Variants in ZNF616 observed in about 807,000 individuals in gnomAD.
The protein encoded by ZNF616 is zinc finger protein 616.
ZNF616 carries 5 observed loss-of-function variants against 7.6 expected under a neutral mutation model. That is an observed-to-expected ratio of 0.66 (90% CI 0.34 to 1.38). The LOEUF (loss-of-function observed/expected upper bound fraction) is 1.38, where lower values mean the gene tolerates loss of function less well. Ranked by LOEUF, ZNF616 falls within the 40% of genes most tolerant of loss-of-function variation. ZNF616 has a pLI of 0.04. For missense variants in ZNF616, 913 were observed against 948.3 expected (o/e 0.96, Z 0.49); for synonymous variants, 319 against 317.2 (o/e 1.01, Z -0.06).
Position 52,116,131 on chromosome 19 carries a change from C to T in ZNF616, c.1033G>A (p.Val345Ile), listed in dbSNP as rs1430387450. Residue 345 changes from valine to isoleucine, a missense_variant, in exon 4 of 4, where the codon GTA becomes ATA. By Grantham distance (29) the Val-to-Ile change is conservative. Transcript: ENST00000600228. ...TATGGTTTCTTTCCTGCATGGATTA[C>T]CTGATGTACAGTGAGGTTTGAGCTC... ...KRSSNLTVHQ[V>I]IHAGKKPYKC... is the part of the protein sequence containing the mutation. 1 of 1,614,088 alleles carries T rather than the reference C, an allele frequency of 6.2e-7. No individual in the cohort carries two copies. Among genetic ancestry groups the T allele is most frequent in the Non-Finnish European group, 8.5e-7 (1 of 1,180,020 alleles).
chr19:52,115,320 T>G lies in ZNF616; in HGVS notation c.1844A>C (p.Asn615Thr). 1 of 1,613,442 alleles carries G rather than the reference T, an allele frequency of 6.2e-7. No homozygotes were observed. The highest frequency in any genetic ancestry group is 1.1e-5 in the South Asian group (1 of 91,054). The change falls in exon 4 of 4, where the codon AAT (asparagine) becomes ACT (threonine). Residue 615 changes from asparagine to threonine, a missense_variant. Coordinates refer to ENST00000600228, the MANE Select transcript of ZNF616 (RefSeq NM_178523.5). Reference protein sequence around the residue: ...YKCHECGKAFNQGSTLNRHQR... With the variant: ...YKCHECGKAFTQGSTLNRHQR... ...ATGTCTATTGAGTGTGGAGCCCTGA[T>G]TAAAGGCTTTGCCACATTCATGACA...
At chr19:52,138,846 C>T (rs2089035034) in intron 1 of ZNF616, 1 of 152,558 alleles carries the variant, frequency 6.6e-6, no homozygotes, top group South Asian at 2.1e-4. Context: ...GTTACCCACT[C>T]CCCTCTCCTT....
intron 1 of ZNF616, among the ~76,000 whole-genome samples, chr19:52,137,053 GTATATA>G (rs35226169): frequency 0.037 from 5,335 of 143,696 alleles, 319 homozygotes; most frequent in African/African-American, 0.13. Flanking sequence ...TTATGTATGT[GTATATA>G]TATATATATA....
intron 1 of ZNF616, among the ~76,000 whole-genome samples, chr19:52,131,140 C>T (rs1007402186): frequency 6.6e-6 from 1 of 151,928 alleles, no homozygotes; most frequent in Non-Finnish European, 1.5e-5. Context: ...TGGTGGCACA[C>T]CCCTTAAATC....
At chr19:52,134,316 T>A (rs1291390566) in intron 1 of ZNF616, among the ~76,000 whole-genome samples, 1 of 152,228 alleles carries the variant, frequency 6.6e-6, no homozygotes, top group East Asian at 1.9e-4. Flanking sequence ...AACCCAATCA[T>A]CACATTTATT....
intron 3 of ZNF616, among the ~76,000 whole-genome samples, chr19:52,120,298 T>C (rs2088855762): frequency 6.6e-6 from 1 of 152,150 alleles, no homozygotes; most frequent in African/African-American, 2.4e-5. Context: ...GTAATTGCAA[T>C]GGTAACCACA....
At position 52,115,559 on chromosome 19, in the gene ZNF616, A is replaced by G. The variant is rs899108820; in HGVS notation, c.1605T>C (p.Ala535=). The change falls in exon 4 of 4, where the codon GCT becomes GCC. Residue 535 remains alanine, a synonymous_variant. Coordinates refer to ENST00000600228, the MANE Select transcript of ZNF616 (RefSeq NM_178523.5). The stretch of plus-strand genomic sequence containing the variant: ...TATGAATTCTCCGATGCCTTGCAAA[A>G]GCTGAACGGTCACTGAAGACCTTGC... ...ECGKVFSDRS[A]FARHRRIHTG... The G allele has an allele frequency of 6.2e-7, 1 of 1,613,746 alleles. No individual in the cohort carries two copies. Among genetic ancestry groups the G allele is most frequent in the Non-Finnish European group, 8.5e-7 (1 of 1,179,948 alleles).
chr19:52,117,995 T>TAAAGTGGC (rs1310348856), intron 3 of ZNF616, among the ~76,000 whole-genome samples: 5 of 152,122 alleles, frequency 3.3e-5, no homozygotes, highest in African/African-American at 1.2e-4. Context: ...TAGGCTGGAG[T>TAAAGTGGC]AAAGTGGCAT....
chr19:52,129,302 C>T (rs1372983556), intron 2 of ZNF616, among the ~76,000 whole-genome samples: 1 of 151,914 alleles, frequency 6.6e-6, no homozygotes, highest in Non-Finnish European at 1.5e-5. Flanking sequence ...AAAAACAAAA[C>T]AAAATTATTT....
At chr19:52,121,462 A>G (rs1184351785) in intron 3 of ZNF616, among the ~76,000 whole-genome samples, 1 of 152,234 alleles carries the variant, frequency 6.6e-6, no homozygotes, top group Non-Finnish European at 1.5e-5. Flanking sequence ...ATGATAAAAT[A>G]TCTCAAAACA....
intron 1 of ZNF616, among the ~76,000 whole-genome samples, chr19:52,133,866 C>G (rs1207141666): frequency 1.3e-5 from 2 of 152,088 alleles, no homozygotes; most frequent in Non-Finnish European, 2.9e-5. Flanking sequence ...CTGATCCTCT[C>G]CCTCCTCCCA....
At position 52,123,994 on chromosome 19, in the gene ZNF616, C is replaced by A. The variant is rs1421307028; in HGVS notation, c.68G>T (p.Cys23Phe). The change falls in exon 3 of 4, where the codon TGC becomes TTC. Residue 23 changes from cysteine to phenylalanine, a missense_variant. Transcript: ENST00000600228. ...AIEFSQEEWK[C>F]LEPVQKALYK... Reference sequence around the variant, plus strand: ...CAAAGCTTTCTGCACAGGCTCCAGGCATTTCCACTCCTCCTGAGAGAATTC... The same window carrying A: ...CAAAGCTTTCTGCACAGGCTCCAGGAATTTCCACTCCTCCTGAGAGAATTC... The A allele has an allele frequency of 1.9e-6, 3 of 1,613,838 alleles. No homozygotes were observed. The African/African-American group carries it at 4.0e-5, about 22-fold the overall frequency.
Position 52,115,293 on chromosome 19 carries a change from T to C in ZNF616, c.1871A>G (p.Gln624Arg), listed in dbSNP as rs1473879657. ...FNQGSTLNRHQRIHTGEKPYK... is the reference protein window; with the variant it reads ...FNQGSTLNRHRRIHTGEKPYK... ...AGGTTTCTCTCCGGTATGAATTCTC[T>C]GATGTCTATTGAGTGTGGAGCCCTG... The change falls in exon 4 of 4, where the codon CAG (glutamine) becomes CGG (arginine). Residue 624 changes from glutamine (Q) to arginine (R), a missense_variant. Gln to Arg is a conservative substitution (Grantham distance 43). Transcript: ENST00000600228. 4 of 1,614,092 alleles carry C rather than the reference T, an allele frequency of 2.5e-6. No homozygotes were observed. The highest frequency in any genetic ancestry group is 3.4e-6 in the Non-Finnish European group (4 of 1,180,008).
At chr19:52,132,156 A>G (rs2088965942) in intron 1 of ZNF616, among the ~76,000 whole-genome samples, 1 of 152,164 alleles carries the variant, frequency 6.6e-6, no homozygotes, top group Non-Finnish European at 1.5e-5. Flanking sequence ...CCTTCTATAT[A>G]ATGTCATATC....
chr19:52,115,236 C>T lies in ZNF616; in HGVS notation c.1928G>A (p.Ser643Asn), dbSNP rs35304389. ...ATGAAGTCTAAGATGGACACGCTGA[C>T]TAAAGGAATTCCCACACTGATTGCA... ...YKCNQCGNSF[S>N]QRVHLRLHQT... The change falls in exon 4 of 4, where the codon AGT becomes AAT. Residue 643 changes from serine to asparagine, a missense_variant. Ser to Asn is a conservative substitution (Grantham distance 46). Coordinates refer to ENST00000600228, the MANE Select transcript of ZNF616 (RefSeq NM_178523.5). The T allele has an allele frequency of 5.0e-6, 8 of 1,614,034 alleles. No homozygotes were observed. Among genetic ancestry groups the T allele is most frequent in the Non-Finnish European group, 6.8e-6 (8 of 1,180,024 alleles).
intron 1 of ZNF616, among the ~76,000 whole-genome samples, chr19:52,132,305 C>G (rs967374733): frequency 2.6e-5 from 4 of 152,084 alleles, no homozygotes; most frequent in African/African-American, 7.2e-5. Context: ...AAGGTGGAGA[C>G]GTCTCTTAGA....
chr19:52,117,125 C>G (rs2122143209), intron 3 of ZNF616, 101 bp from the exon 4 acceptor site: 2 of 1,034,502 alleles, frequency 1.9e-6, no homozygotes, highest in Non-Finnish European at 2.7e-6. Context: ...AATCTTTATA[C>G]TAGACAGGTG....
chr19:52,134,106 C>T (rs564715533), intron 1 of ZNF616, among the ~76,000 whole-genome samples: 31 of 152,264 alleles, frequency 2.0e-4, no homozygotes, highest in African/African-American at 7.5e-4. Context: ...CCCGCACTAC[C>T]AGACCAAGCC....
In ZNF616 at chr19:52,125,060, T is replaced by G. The variant is rs142009116; in HGVS notation, c.13-1011A>C. Reference sequence around the variant, plus strand: ...CCTCATAATACTTGGAGATTGGGCATTGGAGATTAAGTTTCAAATGAATTG... The same window carrying G: ...CCTCATAATACTTGGAGATTGGGCAGTGGAGATTAAGTTTCAAATGAATTG... On this transcript the variant is annotated intron_variant, in intron 2 of 3. Transcript: ENST00000600228. Among the ~76,000 whole-genome samples the G allele has an allele frequency of 1.7e-3, 259 of 152,304 alleles. 1 individual carries two copies. Among genetic ancestry groups the G allele is most frequent in the African/African-American group, 5.7e-3 (236 of 41,572 alleles).
Sources: gnomAD v4.1 joint callset for allele counts (sites outside exome capture counted in the v4.1 genomes callset) on GRCh38, gnomAD v4.1.1 for gene constraint, MANE v1.5 for transcripts, NCBI Gene and HGNC (gene_info 2026-07-23, HGNC 2026-07-21) for gene names.